Variants in BLVRB observed in about 807,000 individuals in gnomAD.
The protein encoded by BLVRB is flavin reductase (NADPH).
A neutral mutation model predicts 21.1 loss-of-function variants in BLVRB; 25 were observed. The observed-to-expected ratio is 1.19, with a 90% CI of 0.86 to 1.66. The LOEUF (loss-of-function observed/expected upper bound fraction) is 1.66. Ranked by LOEUF, BLVRB falls within the 40% of genes most tolerant of loss-of-function variation. The pLI, the probability that BLVRB is intolerant of heterozygous loss-of-function variation, is 0.00. For synonymous variants in BLVRB, 128 were observed against 122.2 expected (o/e 1.05, Z -0.31); for missense variants, 274 against 282.7 (o/e 0.97, Z 0.22).
rs1246636367 is a variant in BLVRB, at chr19:40,464,767, G to T, written c.79+843C>A. Among the ~76,000 whole-genome samples the T allele has an allele frequency of 3.3e-5, 5 of 152,192 alleles. No individual in the cohort carries two copies. The East Asian group carries it at 9.6e-4, about 29-fold the overall frequency. ...GAGTCCCTCCAAGGGAGACAGCAGA[G>T]TGGGGTCCTGTTGGCCTCCACCCTT... On this transcript the variant is annotated intron_variant, in intron 1 of 4. Coordinates refer to ENST00000263368, the MANE Select transcript of BLVRB (RefSeq NM_000713.3).
chr19:40,463,492 G>A (rs772513238), intron 1 of BLVRB, among the ~76,000 whole-genome samples: 1 of 151,942 alleles, frequency 6.6e-6, no homozygotes, highest in Non-Finnish European at 1.5e-5. Context: ...TGGCCCTACA[G>A]AACCATTGTG....
chr19:40,449,214 G>A (rs1463106991), intron 4 of BLVRB, among the ~76,000 whole-genome samples: 1 of 151,886 alleles, frequency 6.6e-6, no homozygotes, highest in Non-Finnish European at 1.5e-5. Flanking sequence ...AATGTTATGA[G>A]AAACTTAAAG....
chr19:40,462,220 C>G (rs1023087030), intron 1 of BLVRB, among the ~76,000 whole-genome samples: 2 of 151,956 alleles, frequency 1.3e-5, no homozygotes, highest in Non-Finnish European at 2.9e-5. Context: ...GACACAAGAT[C>G]TGTGCTGCCC....
rs1327103893 is a variant in BLVRB, at chr19:40,451,380, C to T, written c.447G>A (p.Val149=). ...CCTGCTTACCTATGTGTGGCGGCATCACAGCCACGTACTTCAGGCCTGATT... is the reference window on the plus strand; with the variant it reads ...CCTGCTTACCTATGTGTGGCGGCATTACAGCCACGTACTTCAGGCCTGATT... ...LRESGLKYVA[V]MPPHIGDQPL... is the part of the protein sequence containing the mutation. Residue 149 remains valine, a synonymous_variant, in exon 4 of 5, where the codon GTG becomes GTA. Coordinates refer to ENST00000263368, the MANE Select transcript of BLVRB (RefSeq NM_000713.3). The T allele has an allele frequency of 3.7e-6, 6 of 1,605,884 alleles. No individual in the cohort carries two copies. Among genetic ancestry groups the T allele is most frequent in the Non-Finnish European group, 5.1e-6 (6 of 1,176,572 alleles).
intron 1 of BLVRB, 107 bp downstream of exon 1, chr19:40,465,503 G>T: frequency 7.3e-7 from 1 of 1,378,056 alleles, no homozygotes; most frequent in Non-Finnish European, 9.9e-7. Flanking sequence ...CATACACCTG[G>T]CTGGGGCGCT....
At chr19:40,455,773 G>A (rs1206029180) in intron 3 of BLVRB, among the ~76,000 whole-genome samples, 1 of 152,108 alleles carries the variant, frequency 6.6e-6, no homozygotes, top group Non-Finnish European at 1.5e-5. Flanking sequence ...ATGTGTATGT[G>A]CATAGATAAA....
At chr19:40,456,841 G>A (rs2079764214) in intron 3 of BLVRB, among the ~76,000 whole-genome samples, 1 of 151,790 alleles carries the variant, frequency 6.6e-6, no homozygotes, top group Non-Finnish European at 1.5e-5. Context: ...CCATGAACCC[G>A]GGAGGTGGAG....
chr19:40,463,048 T>C (rs2079795347), intron 1 of BLVRB, among the ~76,000 whole-genome samples: 1 of 152,184 alleles, frequency 6.6e-6, no homozygotes, highest in Non-Finnish European at 1.5e-5. Flanking sequence ...TCATCATTTG[T>C]TACCCTATAT....
rs748735268 is a variant in BLVRB at position 40,458,139 on chromosome 19, T to C, written c.334+16A>G. The C allele has an allele frequency of 1.2e-6, 2 of 1,612,276 alleles. No individual in the cohort carries two copies. Among genetic ancestry groups the C allele is most frequent in the Non-Finnish European group, 1.7e-6 (2 of 1,178,820 alleles). On this transcript the variant is annotated intron_variant, in intron 3 of 4. Coordinates refer to ENST00000263368, the MANE Select transcript of BLVRB (RefSeq NM_000713.3). ...ACCCCCCAGTTCAGCCCCACCTCCA[T>C]GATCCCACCACCCACCCGAGGTGCA...
Position 40,458,393 on chromosome 19 carries a change from G to A in BLVRB, c.232C>T (p.Arg78Cys), listed in dbSNP as rs557914261. 3.1e-5 allele frequency: 50 copies of A among 1,588,396 alleles called. No homozygotes were observed. Among genetic ancestry groups the A allele is most frequent in the Non-Finnish European group, 3.7e-5 (43 of 1,168,226 alleles). ...GGGGGCTCAGTACTGAGGTCATTGC[G>A]GGTGCCCAGCAGCACGATGACAGCG... ...QDAVIVLLGT[R>C]NDLSPTTVMS... The change falls in exon 2 of 5, where the codon CGC (arginine) becomes TGC (cysteine). Residue 78 changes from arginine to cysteine, a missense_variant. Physicochemically the swap from Arg to Cys is radical, Grantham distance 180 (BLOSUM62 -3). Transcript: ENST00000263368.
chr19:40,447,933 C>T lies in BLVRB; in HGVS notation c.577G>A (p.Glu193Lys), dbSNP rs765253159. The T allele has an allele frequency of 1.2e-6, 2 of 1,614,008 alleles. No homozygotes were observed. Among genetic ancestry groups the T allele is most frequent in the East Asian group, 2.2e-5 (1 of 44,872 alleles). ...GGGTAGGTGCTGTGTCCGTCGTACT[C>T]ATCGGTGGTGAGGCAGCGCAGCATG... is the stretch of plus-strand genomic sequence containing the variant. Reference protein sequence around the residue: ...HFMLRCLTTDEYDGHSTYPSH... With the variant: ...HFMLRCLTTDKYDGHSTYPSH... The change falls in exon 5 of 5, where the codon GAG becomes AAG. Residue 193 changes from glutamate (E) to lysine (K), a missense_variant. By Grantham distance (56) the Glu-to-Lys change is moderately conservative. Transcript: ENST00000263368.
At chr19:40,454,407 C>T (rs1260199721) in intron 3 of BLVRB, among the ~76,000 whole-genome samples, 1 of 151,928 alleles carries the variant, frequency 6.6e-6, no homozygotes, top group African/African-American at 2.4e-5. Context: ...GGGATTACAG[C>T]GTGAGCCACT....
intron 1 of BLVRB, 34 bp from the exon 2 acceptor site, chr19:40,458,579 T>G (rs1352986518): frequency 1.9e-6 from 3 of 1,551,100 alleles, no homozygotes; most frequent in Non-Finnish European, 2.6e-6. Context: ...GCCTGGTCAG[T>G]GGGCTGGCAC....
At chr19:40,457,931 G>A (rs2079768738) in intron 3 of BLVRB, 3 of 518,248 alleles carry the variant, frequency 5.8e-6, no homozygotes, top group Non-Finnish European at 1.0e-5. Context: ...TTTGATCATG[G>A]ATCTGTTTAC....
At chr19:40,462,279 CTTTTT>C (rs1555806553) in intron 1 of BLVRB, among the ~76,000 whole-genome samples, 1 of 129,628 alleles carries the variant, frequency 7.7e-6, no homozygotes, top group Admixed American at 9.2e-5. Flanking sequence ...TATGGGCATT[CTTTTT>C]TTTTTTTTTT....
intron 1 of BLVRB, among the ~76,000 whole-genome samples, chr19:40,459,200 A>T (rs2079775562): frequency 6.6e-6 from 1 of 150,612 alleles, no homozygotes; most frequent in Admixed American, 6.6e-5. Flanking sequence ...ATGGTGGCAC[A>T]TACCTGTAAT....
intron 4 of BLVRB, chr19:40,450,375 G>A (rs113105804): frequency 0.12 from 17,220 of 141,364 alleles, 1,067 homozygotes; most frequent in South Asian, 0.17. Context: ...GTGTGGTGGC[G>A]GGCGCCTGTA....
In BLVRB at chr19:40,459,327, C is replaced by CAAAAAAAAAA. The variant is rs751696189; in HGVS notation, c.80-792_80-783dup. ...TGGATGACAAAGCGAGACTCTATCTCAAAAAAAAAAAAAAAAAAAAAAAAA... is the reference window on the plus strand; with the variant it reads ...TGGATGACAAAGCGAGACTCTATCTCAAAAAAAAAAAAAAAAAAAAAAAAAAAAAAAAAAA... On this transcript the variant is annotated intron_variant, in intron 1 of 4. Transcript: ENST00000263368. 4.4e-4 allele frequency among the ~76,000 whole-genome samples: 15 copies of CAAAAAAAAAA among 34,428 alleles called. 4 individuals are homozygous for CAAAAAAAAAA. Among genetic ancestry groups the CAAAAAAAAAA allele is most frequent in the African/African-American group, 8.6e-4 (8 of 9,310 alleles). The allele number at this position is 34,428 out of a possible 152,430, so 22.6% of individuals were successfully genotyped here.
Position 40,451,349 on chromosome 19 carries a change from C to T in BLVRB, c.463+15G>A. ...GCAGATGGCATTGGTGCCACCAGGT[C>T]CCTGCCCTGCTTACCTATGTGTGGC... On this transcript the variant is annotated intron_variant, in intron 4 of 4. Coordinates refer to ENST00000263368, the MANE Select transcript of BLVRB (RefSeq NM_000713.3). 6.3e-7 allele frequency: 1 copy of T among 1,593,288 alleles called. No individual in the cohort carries two copies. Among genetic ancestry groups the T allele is most frequent in the Non-Finnish European group, 8.5e-7 (1 of 1,170,040 alleles).
Sources: gnomAD v4.1 joint callset for allele counts (sites outside exome capture counted in the v4.1 genomes callset) on GRCh38, gnomAD v4.1.1 for gene constraint, MANE v1.5 for transcripts, NCBI Gene and HGNC (gene_info 2026-07-23, HGNC 2026-07-21) for gene names.